The following NCS1 variants were observed in gnomAD, a reference collection of about 807,000 sequenced individuals.
The protein encoded by NCS1 is frequenin homolog.
Under a neutral mutation model 28.4 loss-of-function variants are expected in NCS1, and 6 were observed. The ratio of observed to expected loss-of-function variants is 0.21; its 90% CI spans 0.12 to 0.42. NCS1 has a LOEUF of 0.42. Ranked by LOEUF, NCS1 falls within the 10% of genes least tolerant of loss-of-function variation. The pLI is 1.00. For missense variants in NCS1, 131 were observed against 241.4 expected, an observed-to-expected ratio of 0.54 and a Z score of 3.03; for synonymous variants, 86 against 99.3, an observed-to-expected ratio of 0.87 and a Z score of 0.79.
At chr9:130,173,174 CG>C (rs1374987263) in intron 1 of NCS1, among the ~76,000 whole-genome samples, 1 of 150,334 alleles carries the variant, frequency 6.7e-6, no homozygotes, top group Admixed American at 6.6e-5. Context: ...ATTGGCCTGT[CG>C]CCCCCTCCCT....
At chr9:130,183,713 C>T (rs1388243557) in intron 1 of NCS1, among the ~76,000 whole-genome samples, 1 of 136,042 alleles carries the variant, frequency 7.4e-6, no homozygotes, top group Non-Finnish European at 1.7e-5. Context: ...CTCTCTCTCC[C>T]TTCCTTCCTT....
rs1254401361 is a variant in NCS1 at position 130,191,686 on chromosome 9, C to T, written c.65-9272C>T. 2.6e-5 allele frequency among the ~76,000 whole-genome samples: 4 copies of T among 152,212 alleles called. No homozygotes were observed. The highest frequency in any genetic ancestry group is 2.1e-4 in the South Asian group (1 of 4,828). On this transcript the variant is annotated intron_variant, in intron 1 of 7. Transcript: ENST00000372398. The surrounding 1 kb of genome is among the most constrained non-coding windows in gnomAD (Gnocchi z 6.4). ...ATGAAATGAGGGTTCAGGCTGGTGC[C>T]GGGCAGACCGCAGTCAGCACCCGAT...
chr9:130,188,864 C>G (rs1044547884), intron 1 of NCS1, among the ~76,000 whole-genome samples: 2 of 152,074 alleles, frequency 1.3e-5, no homozygotes, highest in Non-Finnish European at 2.9e-5. Flanking sequence ...TTACAGGTGC[C>G]TGCCACCATG....
intron 1 of NCS1, among the ~76,000 whole-genome samples, chr9:130,195,083 TG>T (rs1431488610): frequency 2.6e-5 from 4 of 152,242 alleles, no homozygotes; most frequent in Non-Finnish European, 5.9e-5. Flanking sequence ...TCGCACTTGC[TG>T]GGTGCTGGAC....
intron 1 of NCS1, among the ~76,000 whole-genome samples, chr9:130,199,925 A>ATTCATTCATTCATTCC (rs1215707739): frequency 1.3e-5 from 2 of 151,876 alleles, no homozygotes; most frequent in Non-Finnish European, 1.5e-5. Context: ...TCATTCATTC[A>ATTCATTCATTCATTCC]TTCCACAAAC....
rs1469273195 is a variant in NCS1 at position 130,180,154 on chromosome 9, C to A, written c.64+7427C>A. 6.6e-6 allele frequency among the ~76,000 whole-genome samples: 1 copy of A among 152,160 alleles called. No individual in the cohort carries two copies. Among genetic ancestry groups the A allele is most frequent in the Non-Finnish European group, 1.5e-5 (1 of 68,034 alleles). On this transcript the variant is annotated intron_variant, in intron 1 of 7. Coordinates refer to ENST00000372398, the MANE Select transcript of NCS1 (RefSeq NM_014286.4). This position sits in a 1 kb window ranked among gnomAD's most constrained non-coding sequence, Gnocchi z 4.5. ...GGTTCAAGCTGTTCTCCTGCCTCAG[C>A]CTCCTGAGTAGCTCGTATTAGAATG...
At chr9:130,174,872 G>T (rs1832541603) in intron 1 of NCS1, among the ~76,000 whole-genome samples, 1 of 150,614 alleles carries the variant, frequency 6.6e-6, no homozygotes, top group Non-Finnish European at 1.5e-5. Context: ...TAAATGGGAA[G>T]GGCCTGGGGT....
intron 2 of NCS1, among the ~76,000 whole-genome samples, chr9:130,204,571 G>A (rs1210750445): frequency 1.3e-5 from 2 of 152,150 alleles, no homozygotes; most frequent in African/African-American, 4.8e-5. Flanking sequence ...CGGCAGGTGC[G>A]AGCCACTGCG....
chr9:130,183,367 A>G (rs759581858), intron 1 of NCS1, among the ~76,000 whole-genome samples: 6 of 151,952 alleles, frequency 3.9e-5, no homozygotes, highest in Non-Finnish European at 8.8e-5. Context: ...GGCACTTCTG[A>G]GCCACCGAGG....
At chr9:130,195,799 A>T (rs1367694856) in intron 1 of NCS1, among the ~76,000 whole-genome samples, 1 of 152,218 alleles carries the variant, frequency 6.6e-6, no homozygotes, top group Non-Finnish European at 1.5e-5. Context: ...CTGGCAGAGC[A>T]CAAAGGCCTG....
chr9:130,197,977 A>C (rs2131132610), intron 1 of NCS1, among the ~76,000 whole-genome samples: 1 of 151,920 alleles, frequency 6.6e-6, no homozygotes, highest in East Asian at 1.9e-4. Context: ...GAAAAAAAAA[A>C]AAAAAAAGGC....
intron 1 of NCS1, among the ~76,000 whole-genome samples, chr9:130,182,564 G>A (rs1832675349): frequency 6.6e-6 from 1 of 152,234 alleles, no homozygotes; most frequent in South Asian, 2.1e-4. Flanking sequence ...AGGCCTTGTG[G>A]AAAGGCGGCA....
At chr9:130,201,027 G>C in intron 2 of NCS1, 45 bp downstream of exon 2, 1 of 1,613,024 alleles carries the variant, frequency 6.2e-7, no homozygotes. Flanking sequence ...CTGCGGCTGT[G>C]GGCTTTGTGG....
At chr9:130,182,744 C>G in intron 1 of NCS1, among the ~76,000 whole-genome samples, 1 of 152,350 alleles carries the variant, frequency 6.6e-6, no homozygotes, top group Non-Finnish European at 1.5e-5. Context: ...CAACGTACCG[C>G]CATCTTACGG....
intron 1 of NCS1, among the ~76,000 whole-genome samples, chr9:130,189,711 G>T (rs560266870): frequency 1.1e-4 from 17 of 151,416 alleles, no homozygotes; most frequent in Admixed American, 2.6e-4. Context: ...GTGTGGTGGC[G>T]CGTGCCTATA....
chr9:130,201,641 G>A (rs903411534), intron 2 of NCS1, among the ~76,000 whole-genome samples: 3 of 152,240 alleles, frequency 2.0e-5, no homozygotes, highest in Middle Eastern at 3.4e-3. Context: ...GGGGTGGCAC[G>A]TAGGGACATG....
intron 1 of NCS1, among the ~76,000 whole-genome samples, chr9:130,187,223 A>C (rs1832749126): frequency 6.6e-6 from 1 of 152,150 alleles, no homozygotes; most frequent in Non-Finnish European, 1.5e-5. Flanking sequence ...AGTCAAGGTC[A>C]GGGTCCGGCC....
At chr9:130,216,127 A>G (rs1833181490) in intron 2 of NCS1, among the ~76,000 whole-genome samples, 1 of 152,012 alleles carries the variant, frequency 6.6e-6, no homozygotes, top group Non-Finnish European at 1.5e-5. Context: ...TTCATTGGGG[A>G]GGGGGACGGT....
chr9:130,236,017 A>AGCAGGCCACGTTTAAAATAACATCAAG lies in NCS1; in HGVS notation c.*3049_*3075dup, dbSNP rs1833586683. 1.3e-5 allele frequency: 2 copies of AGCAGGCCACGTTTAAAATAACATCAAG among 152,328 alleles called. No homozygotes were observed. Among genetic ancestry groups the AGCAGGCCACGTTTAAAATAACATCAAG allele is most frequent in the African/African-American group, 2.4e-5 (1 of 41,470 alleles). The allele number at this position is 152,328 out of a possible 1,614,324, so 9.4% of individuals were successfully genotyped here. A position where few individuals can be genotyped will look rare whatever the true frequency, so the allele number is the denominator to read the frequency against. ...GAATGTTCCGATTTTCCATGATCTAAGCAGGCCACGTTTAAAATAACATCA... is the reference window on the plus strand; with the variant it reads ...GAATGTTCCGATTTTCCATGATCTAAGCAGGCCACGTTTAAAATAACATCAAGGCAGGCCACGTTTAAAATAACATCA... On this transcript the variant is annotated 3_prime_UTR_variant, in exon 8 of 8. Coordinates refer to ENST00000372398, the MANE Select transcript of NCS1 (RefSeq NM_014286.4).
Sources: allele counts gnomAD v4.1 joint callset (sites outside exome capture counted in the v4.1 genomes callset), GRCh38; gene constraint gnomAD v4.1.1; non-coding constraint Gnocchi (gnomAD v3.1); transcripts MANE v1.5; gene names NCBI Gene and HGNC (gene_info 2026-07-23, HGNC 2026-07-21).